The following PCGF3 variants were observed in gnomAD, a reference collection of about 807,000 sequenced individuals.
PCGF3 encodes polycomb group RING finger protein 3.
PCGF3 carries 7 observed loss-of-function variants against 33.1 expected under a neutral mutation model. That is an observed-to-expected ratio of 0.21 (90% CI 0.12 to 0.40). The LOEUF (loss-of-function observed/expected upper bound fraction) is 0.40. Ranked by LOEUF, PCGF3 falls within the 10% of genes least tolerant of loss-of-function variation. The pLI is 1.00. For missense variants in PCGF3, 211 were observed against 313.3 expected (o/e 0.67, Z 2.46); for synonymous variants, 153 against 121.3 (o/e 1.26, Z -1.72).
chr4:744,548 T>C (rs953764503), intron 7 of PCGF3, 52 bp from the exon 8 acceptor site: 1 of 1,374,232 alleles, frequency 7.3e-7, no homozygotes, highest in South Asian at 1.2e-5. Context: ...GTTTTTTAAA[T>C]GGCTTGACAG....
chr4:735,492 G>T (rs143953394), intron 5 of PCGF3, among the ~76,000 whole-genome samples: 2 of 152,182 alleles, frequency 1.3e-5, no homozygotes, highest in African/African-American at 4.8e-5. Context: ...GTTGCAGTAA[G>T]CGGAGATTGC....
intron 3 of PCGF3, chr4:732,538 G>C (rs570697958): frequency 9.2e-5 from 14 of 152,508 alleles, no homozygotes; most frequent in African/African-American, 3.4e-4. Flanking sequence ...AGAGTGGTCG[G>C]GGACAGGCCT....
At chr4:761,087 C>CA in intron 8 of PCGF3, among the ~76,000 whole-genome samples, 192 bp from the exon 9 acceptor site, 1 of 152,362 alleles carries the variant, frequency 6.6e-6, no homozygotes, top group Non-Finnish European at 1.5e-5. Context: ...AAATGGCAAG[C>CA]AGACGATAAA....
rs1279492219 is a variant in PCGF3, at chr4:735,544, CAAAGAG to C, written c.206+523_206+528del. ...CTGGCGACAGAGCGAGACTCTGTCT[CAAAGAG>C]AAAGAAAAAATACTTAGTCAAGTTA... is the stretch of plus-strand genomic sequence containing the variant. On this transcript the variant is annotated intron_variant, in intron 5 of 10. Transcript: ENST00000362003. Among the ~76,000 whole-genome samples the C allele has an allele frequency of 1.3e-5, 2 of 151,938 alleles. 1 individual carries two copies. Among genetic ancestry groups the C allele is most frequent in the Non-Finnish European group, 2.9e-5 (2 of 68,008 alleles).
At chr4:749,321 C>T (rs898676007) in intron 8 of PCGF3, among the ~76,000 whole-genome samples, 9 of 151,922 alleles carry the variant, frequency 5.9e-5, no homozygotes, top group African/African-American at 2.2e-4. Flanking sequence ...TGCGCCACCA[C>T]GCCTGGCTAA....
chr4:744,467 G>A (rs543528200), intron 7 of PCGF3, 133 bp from the exon 8 acceptor site: 15 of 687,824 alleles, frequency 2.2e-5, no homozygotes, highest in African/African-American at 1.4e-4. Flanking sequence ...TTCCTTTGAC[G>A]CTTACTCCGC....
At chr4:740,823 G>T (rs554174764) in intron 6 of PCGF3, among the ~76,000 whole-genome samples, 1 of 152,192 alleles carries the variant, frequency 6.6e-6, no homozygotes, top group East Asian at 1.9e-4. Flanking sequence ...GCCTTCACCC[G>T]TAAGCCCGTC....
chr4:760,477 G>C (rs1259122614), intron 8 of PCGF3, among the ~76,000 whole-genome samples: 1 of 152,138 alleles, frequency 6.6e-6, no homozygotes, highest in African/African-American at 2.4e-5. Context: ...TTTAGAAATT[G>C]TATCTGATTA....
intron 8 of PCGF3, among the ~76,000 whole-genome samples, chr4:756,459 C>T (rs957473322): frequency 1.1e-4 from 16 of 152,116 alleles, no homozygotes; most frequent in African/African-American, 3.4e-4. Flanking sequence ...ATGATCCACC[C>T]GCCTCAGCCT....
At chr4:742,373 T>A (rs905990929) in intron 6 of PCGF3, among the ~76,000 whole-genome samples, 5 of 152,236 alleles carry the variant, frequency 3.3e-5, no homozygotes, top group Non-Finnish European at 5.9e-5. Flanking sequence ...CCAGAGCGTT[T>A]CCCTGGCCTG....
chr4:747,839 C>G (rs1376013438), intron 8 of PCGF3, among the ~76,000 whole-genome samples: 1 of 152,074 alleles, frequency 6.6e-6, no homozygotes. Flanking sequence ...ACAGCCAGCA[C>G]CCAAGGGCTG....
intron 8 of PCGF3, among the ~76,000 whole-genome samples, chr4:758,296 C>T (rs1259055702): frequency 1.3e-5 from 2 of 151,738 alleles, no homozygotes; most frequent in African/African-American, 4.9e-5. Flanking sequence ...TTCCGCCAAA[C>T]TCCAGGTCTT....
At chr4:712,692 C>T (rs567216444) in intron 1 of PCGF3, among the ~76,000 whole-genome samples, 8 of 152,238 alleles carry the variant, frequency 5.3e-5, no homozygotes, top group East Asian at 1.9e-4. Context: ...ATGACCCGCC[C>T]GCCTTGGCCT....
At chr4:739,630 A>G (rs1743997907) in intron 6 of PCGF3, among the ~76,000 whole-genome samples, 1 of 152,212 alleles carries the variant, frequency 6.6e-6, no homozygotes, top group Non-Finnish European at 1.5e-5. Flanking sequence ...TGTTTTTGGG[A>G]AGCCCGCTTC....
At chr4:742,594 C>T (rs971169465) in intron 6 of PCGF3, among the ~76,000 whole-genome samples, 1 of 152,176 alleles carries the variant, frequency 6.6e-6, no homozygotes, top group Non-Finnish European at 1.5e-5. Flanking sequence ...TAAGGTCACC[C>T]TTAGGGGGCC....
exon 11 of PCGF3, chr4:766,562 G>GAAGATTTAGAAGTTATAT (rs1745384778): frequency 6.6e-6 from 1 of 152,382 alleles, no homozygotes; most frequent in African/African-American, 2.4e-5. Flanking sequence ...TTAGCTTCTT[G>GAAGATTTAGAAGTTATAT]AAGATTTAGA....
intron 7 of PCGF3, 120 bp from the exon 8 acceptor site, chr4:744,480 C>A: frequency 1.3e-6 from 1 of 743,046 alleles, no homozygotes; most frequent in East Asian, 2.7e-5. Flanking sequence ...TACTCCGCTC[C>A]GGGGGTCCAG....
At chr4:768,127 T>G (rs1745459853) in exon 11 of PCGF3, 2 of 152,702 alleles carry the variant, frequency 1.3e-5, no homozygotes, top group African/African-American at 4.8e-5. Flanking sequence ...CTGATAGATT[T>G]AAATACACAG....
At chr4:753,277 G>T (rs1463297709) in intron 8 of PCGF3, among the ~76,000 whole-genome samples, 1 of 152,212 alleles carries the variant, frequency 6.6e-6, no homozygotes, top group Admixed American at 6.5e-5. Context: ...TCGACCTCTT[G>T]GGCTCAAGTG....
Sources: allele counts gnomAD v4.1 joint callset (sites outside exome capture counted in the v4.1 genomes callset), GRCh38; gene constraint gnomAD v4.1.1; transcripts MANE v1.5; gene names NCBI Gene and HGNC (gene_info 2026-07-23, HGNC 2026-07-21).